DEPTOR: variants seen among roughly 807,000 people sequenced by gnomAD.
DEPTOR encodes DEP domain-containing mTOR-interacting protein.
DEPTOR carries 41 observed loss-of-function variants against 41.6 expected under a neutral mutation model. The ratio of observed to expected loss-of-function variants is 0.98; its 90% CI spans 0.77 to 1.28. The LOEUF (loss-of-function observed/expected upper bound fraction) is 1.28, where lower values mean the gene tolerates loss of function less well. Ranked by LOEUF, DEPTOR falls within the 50% of genes most tolerant of loss-of-function variation. The pLI, the probability that DEPTOR is intolerant of heterozygous loss-of-function variation, is 0.00. For synonymous variants in DEPTOR, 195 were observed against 192.3 expected (o/e 1.01, Z -0.12); for missense variants, 514 against 527.9 (o/e 0.97, Z 0.26).
chr8:119,998,199 C>G (rs1331344374), intron 4 of DEPTOR, among the ~76,000 whole-genome samples: 3 of 152,200 alleles, frequency 2.0e-5, no homozygotes, highest in African/African-American at 7.2e-5. Context: ...AGCGATCCTC[C>G]CAGCTCAGCC....
chr8:119,945,811 G>A (rs1392371949), intron 3 of DEPTOR, among the ~76,000 whole-genome samples: 1 of 152,146 alleles, frequency 6.6e-6, no homozygotes, highest in East Asian at 1.9e-4. Flanking sequence ...AGGCACACGG[G>A]TCAGCGTTAG....
At chr8:119,991,870 A>G (rs991392519) in intron 4 of DEPTOR, among the ~76,000 whole-genome samples, 1 of 152,220 alleles carries the variant, frequency 6.6e-6, no homozygotes, top group Admixed American at 6.5e-5. Flanking sequence ...TTTTTAAATT[A>G]TGAAATATAC....
chr8:119,980,543 G>T (rs1430403464), intron 4 of DEPTOR, among the ~76,000 whole-genome samples: 1 of 118,720 alleles, frequency 8.4e-6, no homozygotes, highest in East Asian at 2.1e-4. Flanking sequence ...TGGAGATGGA[G>T]TTTTGTTCTT....
At chr8:119,971,667 G>A (rs1419770046) in intron 4 of DEPTOR, among the ~76,000 whole-genome samples, 1 of 152,150 alleles carries the variant, frequency 6.6e-6, no homozygotes, top group Non-Finnish European at 1.5e-5. Context: ...GTGCTTTGGG[G>A]GACACAGAGG....
chr8:119,878,230 G>T (rs1827253093), intron 1 of DEPTOR, among the ~76,000 whole-genome samples: 1 of 151,904 alleles, frequency 6.6e-6, no homozygotes, highest in Admixed American at 6.6e-5. Flanking sequence ...GGTCAGGCTG[G>T]TCTCCAACTC....
intron 4 of DEPTOR, among the ~76,000 whole-genome samples, chr8:119,980,451 CTTTTTTCTTTTCTTTTCTTTTCTT>C (rs1828747835): frequency 9.4e-6 from 1 of 106,538 alleles, no homozygotes; most frequent in African/African-American, 3.7e-5. Flanking sequence ...TTTCATTTTT[CTTTTTTCTTTTCTTTTCTTTTCTT>C]TTCTTTTCTT....
rs745902075 is a variant in DEPTOR at position 119,928,494 on chromosome 8, C to T, written c.217C>T (p.Leu73=). Reference sequence around the variant, plus strand: ...TGTCGCAAAAGAACTGATTGACTGGCTGATTGAACACAAAGAGGCTTCTGA... The same window carrying T: ...TGTCGCAAAAGAACTGATTGACTGGTTGATTGAACACAAAGAGGCTTCTGA... ...CFVAKELIDW[L]IEHKEASDRE... Residue 73 remains leucine, a synonymous_variant, in exon 2 of 9, where the codon CTG becomes TTG. Coordinates refer to ENST00000286234, the MANE Select transcript of DEPTOR (RefSeq NM_022783.4). The T allele has an allele frequency of 1.2e-6, 2 of 1,614,048 alleles. No individual in the cohort carries two copies. Among genetic ancestry groups the T allele is most frequent in the African/African-American group, 2.7e-5 (2 of 74,914 alleles).
At chr8:119,885,994 C>G (rs115989943) in intron 1 of DEPTOR, among the ~76,000 whole-genome samples, 2,834 of 152,102 alleles carry the variant, frequency 0.019, 88 homozygotes, top group African/African-American at 0.064. Context: ...AATTTATATA[C>G]AATAAAATAT....
chr8:120,012,149 T>C (rs1026244706), intron 8 of DEPTOR, among the ~76,000 whole-genome samples: 2 of 152,196 alleles, frequency 1.3e-5, no homozygotes, highest in African/African-American at 4.8e-5. Flanking sequence ...TCTTTATCAG[T>C]GTTGTTGTTA....
chr8:119,991,697 T>A (rs901652077), intron 4 of DEPTOR, among the ~76,000 whole-genome samples: 1 of 152,266 alleles, frequency 6.6e-6, no homozygotes, highest in East Asian at 1.9e-4. Flanking sequence ...AGGTATTTGG[T>A]TTTCTGTTCC....
chr8:120,028,683 G>A (rs1168624580), intron 8 of DEPTOR, among the ~76,000 whole-genome samples: 2 of 151,444 alleles, frequency 1.3e-5, no homozygotes, highest in Middle Eastern at 3.2e-3. Context: ...GGCTGGTTTC[G>A]AACTCCTGAC....
At chr8:119,928,311 A>G (rs1827988725) in intron 1 of DEPTOR, 89 bp from the exon 2 acceptor site, 2 of 1,396,554 alleles carry the variant, frequency 1.4e-6, no homozygotes, top group Non-Finnish European at 2.0e-6. Flanking sequence ...TGCCTTTAGA[A>G]CTTCTGTTAT....
intron 5 of DEPTOR, 50 bp from the exon 6 acceptor site, chr8:120,002,909 AAGCCTATGTGCTCTAGTG>A (rs1812376043): frequency 6.6e-7 from 1 of 1,511,074 alleles, no homozygotes; most frequent in South Asian, 1.3e-5. Context: ...TTGCAGTTGA[AAGCCTATGTGCTCTAGTG>A]AGCCGAGACC....
intron 4 of DEPTOR, among the ~76,000 whole-genome samples, chr8:119,988,868 A>G (rs1169795617): frequency 6.6e-6 from 1 of 152,008 alleles, no homozygotes; most frequent in Non-Finnish European, 1.5e-5. Context: ...CAGTTAAGTA[A>G]TTAAGTAAAT....
chr8:120,023,126 T>C (rs1044436735), intron 8 of DEPTOR, among the ~76,000 whole-genome samples: 1 of 152,148 alleles, frequency 6.6e-6, no homozygotes, highest in African/African-American at 2.4e-5. Flanking sequence ...TCACTGTGTG[T>C]CCACAAGGAA....
In DEPTOR at chr8:119,927,207, G is replaced by A. The variant is rs77992538; in HGVS notation, c.123-1193G>A. Among the ~76,000 whole-genome samples the A allele has an allele frequency of 2.3e-3, 343 of 152,226 alleles. 3 individuals are homozygous for A. The East Asian group carries it at 0.03, about 14-fold the overall frequency. On this transcript the variant is annotated intron_variant, in intron 1 of 8. Coordinates refer to ENST00000286234, the MANE Select transcript of DEPTOR (RefSeq NM_022783.4). ...GGGTGCAGAGTACAGAGCTCTGGCCGTTTACGTGGTCTCTGAAGGCACCAC... is the reference window on the plus strand; with the variant it reads ...GGGTGCAGAGTACAGAGCTCTGGCCATTTACGTGGTCTCTGAAGGCACCAC...
intron 4 of DEPTOR, among the ~76,000 whole-genome samples, chr8:119,970,370 C>T (rs1230424725): frequency 6.6e-6 from 1 of 152,146 alleles, no homozygotes; most frequent in East Asian, 1.9e-4. Flanking sequence ...GAAATCTGGT[C>T]TTCAAATCCT....
intron 3 of DEPTOR, among the ~76,000 whole-genome samples, chr8:119,954,709 C>T (rs539028571): frequency 1.2e-4 from 19 of 152,174 alleles, no homozygotes; most frequent in African/African-American, 4.1e-4. Context: ...GTAGTAGTTC[C>T]TTCTATTGTA....
chr8:119,934,832 C>G (rs1389788931), intron 3 of DEPTOR, among the ~76,000 whole-genome samples: 2 of 152,194 alleles, frequency 1.3e-5, no homozygotes, highest in South Asian at 2.1e-4. Context: ...CTTTCTCTCT[C>G]TCTGTCTCCA....
Sources: gnomAD v4.1 joint callset for allele counts (sites outside exome capture counted in the v4.1 genomes callset) on GRCh38, gnomAD v4.1.1 for gene constraint, MANE v1.5 for transcripts, NCBI Gene and HGNC (gene_info 2026-07-23, HGNC 2026-07-21) for gene names.